VEPH1: variants seen among roughly 807,000 people sequenced by gnomAD.
VEPH1 encodes ventricular zone-expressed PH domain-containing protein homolog 1.
A neutral mutation model predicts 85.2 loss-of-function variants in VEPH1; 80 were observed. The observed-to-expected ratio is 0.94, with a 90% confidence interval of 0.78 to 1.13. VEPH1 has a LOEUF of 1.13. Ranked by LOEUF, VEPH1 falls within the 50% of genes most tolerant of loss-of-function variation. The pLI is 0.00. For missense variants in VEPH1, 955 were observed against 980.5 expected (o/e 0.97, Z 0.35); for synonymous variants, 297 against 348.0 (o/e 0.85, Z 1.63).
rs376271313 is a variant in VEPH1 at position 157,317,037 on chromosome 3, C to T, written c.1875+25G>A. 40 of 1,598,860 alleles carry T rather than the reference C, an allele frequency of 2.5e-5. 1 individual carries two copies. The African/African-American group carries it at 5.3e-4, about 21-fold the overall frequency. On this transcript the variant is annotated intron_variant, in intron 10 of 13. Transcript: ENST00000362010. ...CATATCCCAGAAGCTCATTAAAGAGCCTGATGAACACAAATTATACAAACC... is the reference window on the plus strand; with the variant it reads ...CATATCCCAGAAGCTCATTAAAGAGTCTGATGAACACAAATTATACAAACC...
At chr3:157,414,116 G>C in intron 5 of VEPH1, 26 bp from the exon 6 acceptor site, 1 of 1,513,206 alleles carries the variant, frequency 6.6e-7, no homozygotes, top group Non-Finnish European at 9.0e-7. Flanking sequence ...AGAGGAGGAG[G>C]GAAGAAAGAA....
intron 6 of VEPH1, among the ~76,000 whole-genome samples, chr3:157,410,665 A>G (rs1052237233): frequency 2.0e-5 from 3 of 152,180 alleles, no homozygotes; most frequent in Admixed American, 2.0e-4. Flanking sequence ...TAACTTTCTT[A>G]CAGTAATATT....
At chr3:157,268,939 C>A (rs1422678936) in intron 12 of VEPH1, among the ~76,000 whole-genome samples, 1 of 152,116 alleles carries the variant, frequency 6.6e-6, no homozygotes, top group Middle Eastern at 3.2e-3. Flanking sequence ...TTTGTATAGA[C>A]AAGGTTTCAT....
At chr3:157,349,945 C>G (rs1179790873) in intron 9 of VEPH1, among the ~76,000 whole-genome samples, 1 of 152,118 alleles carries the variant, frequency 6.6e-6, no homozygotes, top group Admixed American at 6.6e-5. Context: ...ACCATACTAG[C>G]CAAGGCAGTC....
At chr3:157,465,611 T>A (rs1019307103) in intron 3 of VEPH1, among the ~76,000 whole-genome samples, 8 of 152,154 alleles carry the variant, frequency 5.3e-5, no homozygotes, top group African/African-American at 1.7e-4. Context: ...ACCAGTCCCA[T>A]CTCTAAGAGT....
At chr3:157,362,933 G>A (rs1369284030) in intron 9 of VEPH1, among the ~76,000 whole-genome samples, 1 of 152,110 alleles carries the variant, frequency 6.6e-6, no homozygotes, top group East Asian at 1.9e-4. Context: ...TTAACACAGT[G>A]CCTGGAACAC....
intron 4 of VEPH1, among the ~76,000 whole-genome samples, chr3:157,445,485 G>A (rs564596556): frequency 6.6e-6 from 1 of 152,272 alleles, no homozygotes; most frequent in African/African-American, 2.4e-5. Flanking sequence ...GCCAGGCATG[G>A]TGGTACGCAC....
intron 12 of VEPH1, among the ~76,000 whole-genome samples, chr3:157,279,274 C>T (rs17388505): frequency 0.23 from 35,446 of 152,036 alleles, 4,270 homozygotes; most frequent in Non-Finnish European, 0.27. Flanking sequence ...GTCACAGAAA[C>T]TGAAGAAGAA....
intron 7 of VEPH1, 124 bp downstream of exon 7, chr3:157,381,032 G>T: frequency 1.1e-6 from 1 of 929,906 alleles, no homozygotes; most frequent in Non-Finnish European, 1.7e-6. Flanking sequence ...AATTTATACA[G>T]ATATTATTCT....
chr3:157,268,710 C>T (rs1336893553), intron 12 of VEPH1, among the ~76,000 whole-genome samples: 1 of 152,038 alleles, frequency 6.6e-6, no homozygotes, highest in African/African-American at 2.4e-5. Context: ...TCTCCCTCAC[C>T]CTAGCCCCAC....
intron 9 of VEPH1, among the ~76,000 whole-genome samples, chr3:157,360,370 A>T (rs887111655): frequency 1.3e-5 from 2 of 152,198 alleles, no homozygotes; most frequent in Admixed American, 6.5e-5. Context: ...TCAACTAAAA[A>T]AATACATACT....
chr3:157,341,214 A>T (rs1485858726), intron 9 of VEPH1, among the ~76,000 whole-genome samples: 1 of 152,212 alleles, frequency 6.6e-6, no homozygotes, highest in African/African-American at 2.4e-5. Context: ...GCTTCAGATG[A>T]TCAAACTTCT....
intron 11 of VEPH1, among the ~76,000 whole-genome samples, chr3:157,307,717 G>GTTTAT (rs1719664736): frequency 6.6e-6 from 1 of 151,766 alleles, no homozygotes; most frequent in Non-Finnish European, 1.5e-5. Flanking sequence ...GGACCAGTTT[G>GTTTAT]TCAAACTCCA....
chr3:157,302,413 C>A (rs1482583025), intron 11 of VEPH1, among the ~76,000 whole-genome samples: 1 of 152,138 alleles, frequency 6.6e-6, no homozygotes. Context: ...CAAGGTGATA[C>A]CATTGGGAGG....
Position 157,352,192 on chromosome 3 carries a change from C to T in VEPH1, c.1735+11172G>A, listed in dbSNP as rs183226698. On this transcript the variant is annotated intron_variant, in intron 9 of 13. Transcript: ENST00000362010. ...ATTGTTGCCCTCCTTACTATGACCACTAGGGTGCTCAGAAGTAAATTTCAA... is the reference window on the plus strand; with the variant it reads ...ATTGTTGCCCTCCTTACTATGACCATTAGGGTGCTCAGAAGTAAATTTCAA... 1.8e-4 allele frequency among the ~76,000 whole-genome samples: 28 copies of T among 152,290 alleles called. No homozygotes were observed. The East Asian group carries it at 4.6e-3, about 25-fold the overall frequency.
At chr3:157,482,815 T>C (rs1234038682) in intron 2 of VEPH1, among the ~76,000 whole-genome samples, 1 of 152,182 alleles carries the variant, frequency 6.6e-6, no homozygotes, top group Non-Finnish European at 1.5e-5. Context: ...ATAGAAATGA[T>C]ACTGCTTGTT....
intron 2 of VEPH1, among the ~76,000 whole-genome samples, chr3:157,477,395 A>G (rs528344680): frequency 1.3e-5 from 2 of 152,172 alleles, no homozygotes; most frequent in African/African-American, 2.4e-5. Context: ...TGATCTCCCA[A>G]TCTCAAGATT....
chr3:157,396,821 T>G (rs2108953323), intron 6 of VEPH1, among the ~76,000 whole-genome samples: 1 of 152,344 alleles, frequency 6.6e-6, no homozygotes, highest in African/African-American at 2.4e-5. Context: ...TTTGTTTAAG[T>G]TCCTTGTAGA....
intron 9 of VEPH1, among the ~76,000 whole-genome samples, chr3:157,342,034 C>A (rs1467701459): frequency 6.6e-6 from 1 of 152,154 alleles, no homozygotes; most frequent in African/African-American, 2.4e-5. Flanking sequence ...AGCACTAAAC[C>A]TGGAAACAAA....
Sources: allele counts gnomAD v4.1 joint callset (sites outside exome capture counted in the v4.1 genomes callset), GRCh38; gene constraint gnomAD v4.1.1; transcripts MANE v1.5; gene names NCBI Gene and HGNC (gene_info 2026-07-23, HGNC 2026-07-21).